ASH1L: variants seen among roughly 807,000 people sequenced by gnomAD.
The protein encoded by ASH1L is ASH1 like histone lysine methyltransferase.
In ASH1L, 23 loss-of-function variants were observed where a neutral mutation model predicts 269.0. The ratio of observed to expected loss-of-function variants is 0.09; its 90% CI spans 0.06 to 0.12. The LOEUF (loss-of-function observed/expected upper bound fraction) is 0.12. Among genes scored for constraint, ASH1L ranks in the 10% least tolerant of loss-of-function variants. The probability of loss-of-function intolerance (pLI) is 1.00; values close to 1 mark genes in which losing one functional copy is unlikely to be tolerated. For synonymous variants in ASH1L, 1,187 were observed against 1,253.5 expected (o/e 0.95, Z 1.12); for missense variants, 2,912 against 3,567.8 (o/e 0.82, Z 4.68).
Position 155,479,896 on chromosome 1 carries a change from A to T in ASH1L, c.2974T>A (p.Leu992Ile). 1 of 1,613,282 alleles carries T rather than the reference A, an allele frequency of 6.2e-7. No homozygotes were observed. The highest frequency in any genetic ancestry group is 8.5e-7 in the Non-Finnish European group (1 of 1,179,664). The stretch of plus-strand genomic sequence containing the variant: ...TGATTCAACAGTTTCTTTCTCTTTA[A>T]AGTCTTCATTTTATTTATTTTGCGG... ...IIRKINKMKT[L>I]KRKKLLNQIL... Residue 992 changes from leucine (L) to isoleucine (I), a missense_variant, in exon 3 of 28, where the codon TTA becomes ATA. By Grantham distance (5) the Leu-to-Ile change is conservative. Around this residue, in one of 13 missense-constraint regions of ASH1L, gnomAD observed 715 missense variants for 721.0 expected, o/e 0.99. Coordinates refer to ENST00000392403, the MANE Select transcript of ASH1L (RefSeq NM_018489.3).
chr1:155,510,722 T>C (rs906191216), intron 2 of ASH1L, among the ~76,000 whole-genome samples: 5 of 152,276 alleles, frequency 3.3e-5, no homozygotes, highest in East Asian at 3.9e-4. Context: ...TAATGTGATA[T>C]GATTCTCCAA....
At chr1:155,371,580 C>T (rs1655950089) in intron 10 of ASH1L, among the ~76,000 whole-genome samples, 1 of 151,876 alleles carries the variant, frequency 6.6e-6, no homozygotes, top group Non-Finnish European at 1.5e-5. Context: ...AAATAAATAA[C>T]TGTGATCCAA....
At chr1:155,383,021 C>T (rs1380748721) in intron 7 of ASH1L, among the ~76,000 whole-genome samples, 2 of 152,120 alleles carry the variant, frequency 1.3e-5, no homozygotes, top group Non-Finnish European at 2.9e-5. Context: ...CCATGCCTGG[C>T]CCTCTTTTCG....
intron 5 of ASH1L, among the ~76,000 whole-genome samples, chr1:155,420,461 T>C (rs1273988019): frequency 6.7e-6 from 1 of 149,958 alleles, no homozygotes; most frequent in African/African-American, 2.4e-5. Context: ...TCTTTATAAA[T>C]GTATAAATAT....
chr1:155,469,189 A>T (rs929168006), intron 3 of ASH1L, among the ~76,000 whole-genome samples: 1 of 146,650 alleles, frequency 6.8e-6, no homozygotes, highest in African/African-American at 2.5e-5. Flanking sequence ...TAATTAATTA[A>T]TTTTTTTTTT....
At chr1:155,532,446 AC>A (rs1669730675) in intron 1 of ASH1L, among the ~76,000 whole-genome samples, 2 of 152,096 alleles carry the variant, frequency 1.3e-5, no homozygotes, top group African/African-American at 4.8e-5. Context: ...ACCTCTATCC[AC>A]CCCAACACCT....
At chr1:155,500,264 G>A (rs1300618707) in intron 2 of ASH1L, among the ~76,000 whole-genome samples, 1 of 152,204 alleles carries the variant, frequency 6.6e-6, no homozygotes, top group African/African-American at 2.4e-5. Context: ...GGGGAAGAAA[G>A]GTTTTACTGA....
chr1:155,470,550 A>AT (rs1665020722), intron 3 of ASH1L, among the ~76,000 whole-genome samples: 1 of 93,362 alleles, frequency 1.1e-5, no homozygotes, highest in South Asian at 4.6e-4. Context: ...AGCAGAAATT[A>AT]CCTTTTTTTT....
At chr1:155,534,652 T>C (rs1291109506) in intron 1 of ASH1L, among the ~76,000 whole-genome samples, 6 of 152,078 alleles carry the variant, frequency 3.9e-5, no homozygotes, top group Non-Finnish European at 7.4e-5. Flanking sequence ...ATAAGTACAT[T>C]AAATTTTAGG....
chr1:155,433,463 C>T (rs755814213), intron 5 of ASH1L: 3 of 1,610,484 alleles, frequency 1.9e-6, no homozygotes, highest in Non-Finnish European at 1.7e-6. Flanking sequence ...GACCTCTCAG[C>T]CTGAGGGCGA....
At chr1:155,489,835 T>TAAATAAATAAATAACA (rs894162203) in intron 2 of ASH1L, among the ~76,000 whole-genome samples, 1 of 150,618 alleles carries the variant, frequency 6.6e-6, no homozygotes, top group Non-Finnish European at 1.5e-5. Context: ...AATAAATAAA[T>TAAATAAATAAATAACA]AACAATATGG....
chr1:155,448,378 T>C (rs1663188899), intron 4 of ASH1L, among the ~76,000 whole-genome samples: 1 of 152,224 alleles, frequency 6.6e-6, no homozygotes, highest in African/African-American at 2.4e-5. Context: ...TGTATTGAGA[T>C]GGGTCTTGCC....
upstream of ASH1L, chr1:155,562,852 C>T (rs1363551735): frequency 4.2e-6 from 2 of 477,934 alleles, no homozygotes; most frequent in Admixed American, 4.8e-5. Context: ...CCCTTCCCCG[C>T]CCCCACGGCC....
chr1:155,340,170 T>C (rs555230014), intron 25 of ASH1L, among the ~76,000 whole-genome samples: 101 of 152,126 alleles, frequency 6.6e-4, no homozygotes, highest in Non-Finnish European at 7.1e-4. Context: ...ATTGCTTTGT[T>C]TTCTGGTTAG....
At chr1:155,425,449 T>C (rs1250350589) in intron 5 of ASH1L, among the ~76,000 whole-genome samples, 1 of 151,480 alleles carries the variant, frequency 6.6e-6, no homozygotes, top group Non-Finnish European at 1.5e-5. Context: ...GCTATTTTTT[T>C]TTTTTTTGAG....
At chr1:155,421,807 C>T (rs976975959) in intron 5 of ASH1L, among the ~76,000 whole-genome samples, 6 of 151,938 alleles carry the variant, frequency 3.9e-5, no homozygotes, top group African/African-American at 1.2e-4. Flanking sequence ...GAAATAGATA[C>T]ACATATGACT....
chr1:155,412,983 T>C (rs12093804), intron 6 of ASH1L, among the ~76,000 whole-genome samples: 39 of 152,150 alleles, frequency 2.6e-4, no homozygotes, highest in African/African-American at 8.9e-4. Context: ...ATTATTGTGA[T>C]GTGACAGCAG....
chr1:155,504,468 C>T (rs1348417649), intron 2 of ASH1L, among the ~76,000 whole-genome samples: 1 of 152,176 alleles, frequency 6.6e-6, no homozygotes, highest in Admixed American at 6.5e-5. Context: ...TATTATATAG[C>T]TTGACTTTCA....
intron 1 of ASH1L, among the ~76,000 whole-genome samples, chr1:155,552,980 C>T (rs961811822): frequency 2.0e-5 from 3 of 152,062 alleles, no homozygotes; most frequent in African/African-American, 7.2e-5. Context: ...CAACTCTATG[C>T]TATAAATATT....
Sources: gnomAD v4.1 joint callset for allele counts (sites outside exome capture counted in the v4.1 genomes callset) on GRCh38, gnomAD v4.1.1 for gene constraint, gnomAD v4.1.1 regional missense constraint, MANE v1.5 for transcripts, NCBI Gene and HGNC (gene_info 2026-07-23, HGNC 2026-07-21) for gene names.